GALNTL6: variants seen among roughly 807,000 people sequenced by gnomAD.
GALNTL6 encodes polypeptide N-acetylgalactosaminyltransferase-like 6.
A neutral mutation model predicts 73.7 loss-of-function variants in GALNTL6; 46 were observed. The observed-to-expected ratio is 0.62, with a 90% CI of 0.49 to 0.80. The LOEUF is 0.80. Among genes scored for constraint, GALNTL6 ranks in the 30% least tolerant of loss-of-function variants. The probability of loss-of-function intolerance (pLI) is 0.00; values close to 1 mark genes in which losing one functional copy is unlikely to be tolerated. For missense variants in GALNTL6, 604 were observed against 755.0 expected (o/e 0.80, Z 2.34); for synonymous variants, 259 against 263.7 (o/e 0.98, Z 0.17).
At chr4:171,944,469 T>C (rs1490055366) in intron 2 of GALNTL6, among the ~76,000 whole-genome samples, 2 of 152,078 alleles carry the variant, frequency 1.3e-5, no homozygotes, top group African/African-American at 2.4e-5. Context: ...TGAGTCTCTG[T>C]AACCTTAACA....
At chr4:172,075,223 C>T (rs138243449) in intron 2 of GALNTL6, among the ~76,000 whole-genome samples, 47 of 152,218 alleles carry the variant, frequency 3.1e-4, no homozygotes, top group African/African-American at 1.1e-3. Flanking sequence ...ACCTATCCAT[C>T]TAAATTCTAA....
rs560488972 is a variant in GALNTL6 at position 172,594,280 on chromosome 4, G to T, written c.554-215081G>T. 3.3e-5 allele frequency among the ~76,000 whole-genome samples: 5 copies of T among 152,274 alleles called. No individual in the cohort carries two copies. The South Asian group carries it at 1.0e-3, about 32-fold the overall frequency. Reference sequence around the variant, plus strand: ...GAACTGCTTGAACCCAGGAGGTGGAGGTTGCAGTGAGCCAAGATCATGCCA... The same window carrying T: ...GAACTGCTTGAACCCAGGAGGTGGATGTTGCAGTGAGCCAAGATCATGCCA... On this transcript the variant is annotated intron_variant, in intron 5 of 12. Transcript: ENST00000506823.
At chr4:171,903,093 T>TA (rs1159509635) in intron 2 of GALNTL6, among the ~76,000 whole-genome samples, 1 of 152,120 alleles carries the variant, frequency 6.6e-6, no homozygotes, top group Non-Finnish European at 1.5e-5. Context: ...CTTAAGAACT[T>TA]AAAGAGATTG....
chr4:172,158,885 A>T (rs34363248), intron 2 of GALNTL6, among the ~76,000 whole-genome samples: 2,035 of 152,196 alleles, frequency 0.013, 43 homozygotes, highest in African/African-American at 0.045. Context: ...TACAAATAAG[A>T]AAAAATGTAC....
chr4:171,870,545 G>C (rs1276744433), intron 2 of GALNTL6, among the ~76,000 whole-genome samples: 5 of 142,558 alleles, frequency 3.5e-5, no homozygotes, highest in African/African-American at 1.4e-4. Flanking sequence ...TTTCTGTTAA[G>C]TGTATTTTTT....
intron 5 of GALNTL6, among the ~76,000 whole-genome samples, chr4:172,558,707 T>C (rs1162629102): frequency 6.6e-6 from 1 of 152,154 alleles, no homozygotes; most frequent in Admixed American, 6.5e-5. Context: ...GAGTATATGC[T>C]TGTCAAAACT....
chr4:172,583,942 G>A (rs574730216), intron 5 of GALNTL6, among the ~76,000 whole-genome samples: 226 of 145,930 alleles, frequency 1.5e-3, no homozygotes, highest in African/African-American at 5.0e-3. Flanking sequence ...GCAGTAGAAC[G>A]CAATGTAAAC....
chr4:172,509,221 ATG>A lies in GALNTL6; in HGVS notation c.553+160538_553+160539del, dbSNP rs1276837967. Among the ~76,000 whole-genome samples, 6 of 53,466 alleles carry A rather than the reference ATG, an allele frequency of 1.1e-4. 3 individuals carry two copies. Among genetic ancestry groups the A allele is most frequent in the Admixed American group, 1.1e-3 (4 of 3,712 alleles). The allele number at this position is 53,466 out of a possible 152,430, so 35.1% of individuals were successfully genotyped here. On this transcript the variant is annotated intron_variant, in intron 5 of 12. Transcript: ENST00000506823. ...TTAGTGATATTGAGCATTTTTTAAT[ATG>A]TGTGTTGGCCATTTGTATATCTTCT...
chr4:172,246,422 CTT>C (rs1215040469), intron 3 of GALNTL6, among the ~76,000 whole-genome samples: 1 of 152,096 alleles, frequency 6.6e-6, no homozygotes, highest in Admixed American at 6.5e-5. Flanking sequence ...TAAAGAATAA[CTT>C]TTGAAATTGT....
chr4:172,958,796 A>G (rs1420120262), intron 10 of GALNTL6, among the ~76,000 whole-genome samples: 1 of 152,202 alleles, frequency 6.6e-6, no homozygotes, highest in Non-Finnish European at 1.5e-5. Context: ...AGTCTAAGTG[A>G]AAGCGAAGAG....
At chr4:172,478,731 G>A (rs187265565) in intron 5 of GALNTL6, among the ~76,000 whole-genome samples, 268 of 152,222 alleles carry the variant, frequency 1.8e-3, no homozygotes, top group African/African-American at 6.1e-3. Context: ...TACAGAGTGA[G>A]ATAAAATATT....
chr4:171,967,449 T>TTTTTTTTTTTTTG (rs1553976637), intron 2 of GALNTL6, among the ~76,000 whole-genome samples: 52 of 120,402 alleles, frequency 4.3e-4, no homozygotes, highest in Middle Eastern at 4.2e-3. Flanking sequence ...CCCTATGGGT[T>TTTTTTTTTTTTTG]TTTTTTTTTT....
chr4:172,388,813 G>A (rs1250341253), intron 5 of GALNTL6, among the ~76,000 whole-genome samples: 4 of 152,004 alleles, frequency 2.6e-5, no homozygotes, highest in Non-Finnish European at 4.4e-5. Context: ...TTTAGTGTTA[G>A]CAACCTGCTT....
At chr4:171,844,382 T>C (rs1383841617) in intron 2 of GALNTL6, among the ~76,000 whole-genome samples, 1 of 152,212 alleles carries the variant, frequency 6.6e-6, no homozygotes, top group Non-Finnish European at 1.5e-5. Flanking sequence ...CACTTTCGTG[T>C]TCACTGATAG....
At chr4:172,443,981 A>G (rs1041463692) in intron 5 of GALNTL6, among the ~76,000 whole-genome samples, 1 of 152,140 alleles carries the variant, frequency 6.6e-6, no homozygotes, top group East Asian at 1.9e-4. Flanking sequence ...CTTGGTGGCT[A>G]TGTGGTAGCA....
chr4:172,293,313 C>T (rs1398919728), intron 3 of GALNTL6, among the ~76,000 whole-genome samples: 1 of 152,056 alleles, frequency 6.6e-6, no homozygotes, highest in Non-Finnish European at 1.5e-5. Context: ...CTTTTAGCAT[C>T]ATGTGCAATT....
chr4:172,687,085 C>T (rs1030603691), intron 5 of GALNTL6, among the ~76,000 whole-genome samples: 2 of 152,076 alleles, frequency 1.3e-5, no homozygotes, highest in African/African-American at 4.8e-5. Flanking sequence ...ATACATAAAG[C>T]CAGTTTTGTT....
chr4:172,268,671 A>G (rs897428184), intron 3 of GALNTL6, among the ~76,000 whole-genome samples: 3 of 152,176 alleles, frequency 2.0e-5, no homozygotes, highest in Non-Finnish European at 4.4e-5. Flanking sequence ...CCCAGTGTGA[A>G]GTCTCTGGAG....
At chr4:172,590,548 T>C (rs1248747362) in intron 5 of GALNTL6, among the ~76,000 whole-genome samples, 2 of 152,154 alleles carry the variant, frequency 1.3e-5, no homozygotes, top group African/African-American at 4.8e-5. Context: ...AACCTCCCCC[T>C]CAATTTAACA....
Sources: gnomAD v4.1 joint callset for allele counts (sites outside exome capture counted in the v4.1 genomes callset) on GRCh38, gnomAD v4.1.1 for gene constraint, MANE v1.5 for transcripts, NCBI Gene and HGNC (gene_info 2026-07-23, HGNC 2026-07-21) for gene names.